ANKS1B: variants seen among roughly 807,000 people sequenced by gnomAD.
ANKS1B encodes the protein ankyrin repeat and sterile alpha motif domain containing 1B.
In ANKS1B, 36 loss-of-function variants were observed where a neutral mutation model predicts 148.3. The ratio of observed to expected loss-of-function variants is 0.24; its 90% confidence interval spans 0.19 to 0.32. The LOEUF is 0.32. Ranked by LOEUF, ANKS1B falls within the 10% of genes least tolerant of loss-of-function variation. ANKS1B has a pLI of 1.00. For synonymous variants in ANKS1B, 542 were observed against 560.8 expected, an observed-to-expected ratio of 0.97 and a Z score of 0.47; for missense variants, 1,157 against 1,542.6, an observed-to-expected ratio of 0.75 and a Z score of 4.19.
intron 11 of ANKS1B, among the ~76,000 whole-genome samples, chr12:99,414,131 C>T (rs77585609): frequency 4.6e-5 from 7 of 150,584 alleles, no homozygotes; most frequent in Admixed American, 6.6e-5. Flanking sequence ...TTTTTTTTTG[C>T]TTTTACCTAT....
intron 19 of ANKS1B, among the ~76,000 whole-genome samples, chr12:98,827,935 G>A (rs564584714): frequency 1.3e-5 from 2 of 152,030 alleles, no homozygotes; most frequent in African/African-American, 2.4e-5. Flanking sequence ...AACAAGTAAC[G>A]AAATAAATGA....
intron 10 of ANKS1B, among the ~76,000 whole-genome samples, chr12:99,489,210 C>G (rs987042785): frequency 1.8e-4 from 27 of 149,582 alleles, no homozygotes; most frequent in Non-Finnish European, 3.0e-5. Flanking sequence ...CCATTGCACT[C>G]CAGCCTGGGT....
intron 9 of ANKS1B, among the ~76,000 whole-genome samples, chr12:99,605,972 T>C (rs553476421): frequency 3.3e-4 from 50 of 152,256 alleles, no homozygotes; most frequent in Admixed American, 1.0e-3. Context: ...AGAGTTCCCC[T>C]TTCTTCATGT....
Position 99,065,991 on chromosome 12 carries a change from T to C in ANKS1B, c.2626-12682A>G, listed in dbSNP as rs190318512. Among the ~76,000 whole-genome samples, 119 of 152,164 alleles carry C rather than the reference T, an allele frequency of 7.8e-4. No homozygotes were observed. The Middle Eastern group carries it at 0.01, about 13-fold the overall frequency. On this transcript the variant is annotated intron_variant, in intron 16 of 26. Transcript: ENST00000683438. ...AATAGCGTGGTTAGGGGAAGTTTCA[T>C]TCAGAGGAGAAGATTTGGACAAAGA...
At chr12:99,572,262 A>C (rs1246884489) in intron 9 of ANKS1B, among the ~76,000 whole-genome samples, 1 of 152,158 alleles carries the variant, frequency 6.6e-6, no homozygotes, top group African/African-American at 2.4e-5. Context: ...TACCATCTTG[A>C]ATTGAAATAA....
chr12:99,177,929 G>C (rs1327542141), intron 14 of ANKS1B, among the ~76,000 whole-genome samples: 1 of 152,154 alleles, frequency 6.6e-6, no homozygotes, highest in East Asian at 1.9e-4. Context: ...CATTGTGATA[G>C]ATCTTTGTTT....
chr12:99,051,523 A>G (rs540804324), intron 17 of ANKS1B, among the ~76,000 whole-genome samples: 2 of 152,206 alleles, frequency 1.3e-5, no homozygotes, highest in African/African-American at 2.4e-5. Context: ...TTTAAAAAAT[A>G]TCTATGAGTA....
intron 12 of ANKS1B, among the ~76,000 whole-genome samples, chr12:99,385,235 G>A (rs749037900): frequency 2.6e-5 from 4 of 152,164 alleles, no homozygotes; most frequent in South Asian, 2.1e-4. Context: ...TTGGGAGGCC[G>A]AGGCGGGTGG....
chr12:99,944,733 G>T (rs917720950), intron 1 of ANKS1B, among the ~76,000 whole-genome samples: 1 of 152,112 alleles, frequency 6.6e-6, no homozygotes, highest in Non-Finnish European at 1.5e-5. Flanking sequence ...AATCTGAAAA[G>T]TATTGTAGTC....
At chr12:99,624,682 A>G (rs1371410107) in intron 9 of ANKS1B, among the ~76,000 whole-genome samples, 1 of 152,152 alleles carries the variant, frequency 6.6e-6, no homozygotes, top group Non-Finnish European at 1.5e-5. Flanking sequence ...AGAAATGCAA[A>G]TCAAAACCAC....
At position 98,773,069 on chromosome 12, in the gene ANKS1B, G is replaced by A; in HGVS notation, c.3552C>T (p.Tyr1184=). The A allele has an allele frequency of 6.2e-7, 1 of 1,613,992 alleles. No homozygotes were observed. Among genetic ancestry groups the A allele is most frequent in the South Asian group, 1.1e-5 (1 of 91,066 alleles). Reference sequence around the variant, plus strand: ...CATCAAAGGCAGTAAACACATGACAGTAGTGGTGATTAGACTTCAAATCTT... The same window carrying A: ...CATCAAAGGCAGTAAACACATGACAATAGTGGTGATTAGACTTCAAATCTT... ...ITKDLKSNHH[Y]CHVFTAFDVN... is the part of the protein sequence containing the mutation. Residue 1184 remains tyrosine (Y), a synonymous_variant, in exon 25 of 27, where the codon TAC becomes TAT. Coordinates refer to ENST00000683438, the MANE Select transcript of ANKS1B (RefSeq NM_001352186.2).
chr12:98,966,074 T>C (rs1234173598), intron 17 of ANKS1B, among the ~76,000 whole-genome samples: 5 of 152,218 alleles, frequency 3.3e-5, no homozygotes, highest in Admixed American at 2.0e-4. Context: ...AAAGAGCTTC[T>C]GCATGGCAAA....
chr12:99,945,571 T>C (rs1409354971), intron 1 of ANKS1B, among the ~76,000 whole-genome samples: 16 of 152,174 alleles, frequency 1.1e-4, no homozygotes. Context: ...AGCAATTGTC[T>C]CACAATATAA....
At chr12:99,352,050 T>G (rs1333481678) in intron 12 of ANKS1B, 1 of 152,062 alleles carries the variant, frequency 6.6e-6, no homozygotes, top group Non-Finnish European at 1.5e-5. Context: ...CCACATTTTC[T>G]GAAGACTTTG....
At chr12:99,516,433 T>C (rs1385082385) in intron 9 of ANKS1B, among the ~76,000 whole-genome samples, 1 of 152,120 alleles carries the variant, frequency 6.6e-6, no homozygotes, top group East Asian at 1.9e-4. Flanking sequence ...GATCATGTCC[T>C]TTGCCGGGAC....
chr12:99,430,764 G>A (rs754069410), intron 11 of ANKS1B, among the ~76,000 whole-genome samples: 8 of 152,174 alleles, frequency 5.3e-5, no homozygotes, highest in Non-Finnish European at 1.0e-4. Flanking sequence ...TCACCTTGTA[G>A]GTTGGCTAGC....
intron 9 of ANKS1B, among the ~76,000 whole-genome samples, chr12:99,543,561 G>C (rs2097146500): frequency 6.6e-6 from 1 of 151,974 alleles, no homozygotes; most frequent in Admixed American, 6.6e-5. Flanking sequence ...AGTCAAAAAG[G>C]GTGAACAACC....
chr12:99,216,524 C>G (rs2084226006), intron 14 of ANKS1B, among the ~76,000 whole-genome samples: 1 of 151,968 alleles, frequency 6.6e-6, no homozygotes. Context: ...ATTTTCTTTT[C>G]TAGTTGATTT....
At chr12:99,308,500 T>A (rs186835905) in intron 12 of ANKS1B, among the ~76,000 whole-genome samples, 1 of 152,192 alleles carries the variant, frequency 6.6e-6, no homozygotes, top group Non-Finnish European at 1.5e-5. Flanking sequence ...CATTATCATT[T>A]GTCTATTTCT....
Sources: allele counts gnomAD v4.1 joint callset (sites outside exome capture counted in the v4.1 genomes callset), GRCh38; gene constraint gnomAD v4.1.1; transcripts MANE v1.5; gene names NCBI Gene and HGNC (gene_info 2026-07-23, HGNC 2026-07-21).